SORCS3: variants seen among roughly 807,000 people sequenced by gnomAD.
SORCS3 encodes the protein sortilin related VPS10 domain containing receptor 3, also known as VPS10 domain-containing receptor SorCS3.
In SORCS3, 57 loss-of-function variants were observed where a neutral mutation model predicts 146.3. The observed-to-expected ratio is 0.39, with a 90% CI of 0.31 to 0.49. SORCS3 has a LOEUF of 0.49. Ranked by LOEUF, SORCS3 falls within the 20% of genes least tolerant of loss-of-function variation. The probability of loss-of-function intolerance (pLI) is 0.92; values close to 1 mark genes in which losing one functional copy is unlikely to be tolerated. For synonymous variants in SORCS3, 653 were observed against 618.5 expected (o/e 1.06, Z -0.83); for missense variants, 1,341 against 1,575.5 (o/e 0.85, Z 2.52).
chr10:105,237,317 G>A (rs952813649), intron 20 of SORCS3, among the ~76,000 whole-genome samples: 1 of 152,122 alleles, frequency 6.6e-6, no homozygotes, highest in African/African-American at 2.4e-5. Context: ...TAATGTCTGA[G>A]TAATAACAGT....
intron 6 of SORCS3, among the ~76,000 whole-genome samples, chr10:105,098,119 T>A (rs977496244): frequency 6.6e-6 from 1 of 152,198 alleles, no homozygotes; most frequent in Non-Finnish European, 1.5e-5. Context: ...GATACATATA[T>A]TATTGGCTCT....
intron 1 of SORCS3, among the ~76,000 whole-genome samples, chr10:104,642,399 C>G (rs1338241173): frequency 2.1e-5 from 3 of 143,880 alleles, no homozygotes; most frequent in Non-Finnish European, 4.6e-5. Flanking sequence ...CCCACCCCCC[C>G]TCCCGTCACG....
At chr10:104,972,779 CA>C (rs2054868628) in intron 3 of SORCS3, among the ~76,000 whole-genome samples, 1 of 152,090 alleles carries the variant, frequency 6.6e-6, no homozygotes, top group Non-Finnish European at 1.5e-5. Flanking sequence ...TGCCAGTTTT[CA>C]AAGGGAATGC....
At chr10:104,974,482 T>C (rs1443193736) in intron 3 of SORCS3, among the ~76,000 whole-genome samples, 1 of 152,186 alleles carries the variant, frequency 6.6e-6, no homozygotes, top group Admixed American at 6.5e-5. Flanking sequence ...TCTTTGTTGT[T>C]TTGAAGTCTG....
chr10:104,861,908 C>T (rs4918133), intron 2 of SORCS3, among the ~76,000 whole-genome samples: 13,513 of 152,204 alleles, frequency 0.089, 784 homozygotes, highest in South Asian at 0.27. Context: ...TTTGGTGCAC[C>T]TTGGCTTGTA....
At chr10:105,261,280 G>A (rs1273895365) in intron 25 of SORCS3, among the ~76,000 whole-genome samples, 1 of 152,210 alleles carries the variant, frequency 6.6e-6, no homozygotes, top group Non-Finnish European at 1.5e-5. Flanking sequence ...GAGACGACAT[G>A]TAAGCCAAGC....
chr10:104,720,150 C>T (rs1462430827), intron 1 of SORCS3, among the ~76,000 whole-genome samples: 2 of 152,052 alleles, frequency 1.3e-5, no homozygotes. Context: ...CAACAGGCCC[C>T]AGTGTGTCAT....
At chr10:104,701,167 C>T (rs1241744920) in intron 1 of SORCS3, among the ~76,000 whole-genome samples, 1 of 152,190 alleles carries the variant, frequency 6.6e-6, no homozygotes, top group African/African-American at 2.4e-5. Context: ...AGAAAATATA[C>T]ATAAGCAATG....
chr10:105,253,392 A>T (rs2056912568), intron 23 of SORCS3, among the ~76,000 whole-genome samples: 1 of 152,190 alleles, frequency 6.6e-6, no homozygotes, highest in Non-Finnish European at 1.5e-5. Flanking sequence ...AGAGGGATGT[A>T]TTGCCTCTCT....
intron 1 of SORCS3, among the ~76,000 whole-genome samples, chr10:104,678,110 G>T (rs983947866): frequency 6.6e-6 from 1 of 151,338 alleles, no homozygotes; most frequent in African/African-American, 2.4e-5. Context: ...TGAGGTTGCC[G>T]AAGTTAAATT....
At position 104,887,962 on chromosome 10, in the gene SORCS3, G is replaced by GGGT. The variant is rs1564706319; in HGVS notation, c.696-27869_696-27868insTGG. ...CTTCCCAGCAACATGGTGGGGGCGG[G>GGGT]GGGGCGGGGGCGGAGCAAGCCCATG... On this transcript the variant is annotated intron_variant, in intron 2 of 26. Transcript: ENST00000369701. 1.2e-3 allele frequency among the ~76,000 whole-genome samples: 157 copies of GGGT among 126,548 alleles called. 13 individuals are homozygous for GGGT. The highest frequency in any genetic ancestry group is 5.1e-3 in the African/African-American group (152 of 29,714). The allele number at this position is 126,548 out of a possible 152,430, so 83.0% of individuals were successfully genotyped here.
chr10:104,710,949 G>A lies in SORCS3; in HGVS notation c.627+68995G>A, dbSNP rs565058238. Among the ~76,000 whole-genome samples the A allele has an allele frequency of 9.9e-5, 15 of 152,236 alleles. 1 individual carries two copies. In the South Asian group the frequency reaches 2.9e-3, roughly 29 times the overall value. ...TTGTGAGTAGATGGAACAAAATGTTGGGAGATTAGATGGACGTTTCCAGGA... is the reference window on the plus strand; with the variant it reads ...TTGTGAGTAGATGGAACAAAATGTTAGGAGATTAGATGGACGTTTCCAGGA... On this transcript the variant is annotated intron_variant, in intron 1 of 26. Transcript: ENST00000369701.
At chr10:105,153,969 C>T (rs1306823334) in intron 9 of SORCS3, among the ~76,000 whole-genome samples, 1 of 148,718 alleles carries the variant, frequency 6.7e-6, no homozygotes, top group Non-Finnish European at 1.5e-5. Context: ...ACTCAGGAGG[C>T]TGAGGCAGGA....
intron 17 of SORCS3, among the ~76,000 whole-genome samples, chr10:105,212,274 C>T (rs1302819144): frequency 6.6e-6 from 1 of 152,186 alleles, no homozygotes; most frequent in Admixed American, 6.5e-5. Context: ...GGAGCCTGAG[C>T]TAAGGCTCAA....
At chr10:104,828,091 G>A (rs964202114) in intron 1 of SORCS3, among the ~76,000 whole-genome samples, 49 of 152,006 alleles carry the variant, frequency 3.2e-4, no homozygotes, top group African/African-American at 1.1e-3. Context: ...TTCTTTTCAC[G>A]TGTATGTTCA....
At chr10:104,716,219 C>A (rs550084943) in intron 1 of SORCS3, among the ~76,000 whole-genome samples, 1 of 152,168 alleles carries the variant, frequency 6.6e-6, no homozygotes, top group East Asian at 1.9e-4. Flanking sequence ...TATTGATTAT[C>A]TTTCCCAAAC....
At chr10:104,789,386 C>T (rs754998556) in intron 1 of SORCS3, among the ~76,000 whole-genome samples, 33 of 152,148 alleles carry the variant, frequency 2.2e-4, no homozygotes, top group Admixed American at 1.6e-3. Context: ...CAGCTATTTG[C>T]GTCTGAGTGC....
At chr10:104,993,458 C>G (rs2055006260) in intron 4 of SORCS3, among the ~76,000 whole-genome samples, 1 of 152,088 alleles carries the variant, frequency 6.6e-6, no homozygotes, top group South Asian at 2.1e-4. Flanking sequence ...GGTAGAGATA[C>G]CAGGGTTGTA....
chr10:104,885,117 G>C (rs1354670996), intron 2 of SORCS3, among the ~76,000 whole-genome samples: 1 of 152,190 alleles, frequency 6.6e-6, no homozygotes, highest in Admixed American at 6.5e-5. Flanking sequence ...TTGTCCAGAA[G>C]CTGGGCTGAT....
Sources: allele counts gnomAD v4.1 joint callset (sites outside exome capture counted in the v4.1 genomes callset), GRCh38; gene constraint gnomAD v4.1.1; transcripts MANE v1.5; gene names NCBI Gene and HGNC (gene_info 2026-07-23, HGNC 2026-07-21).